The following TRPV3 variants were observed in gnomAD, a reference collection of about 807,000 sequenced individuals.
TRPV3 encodes the protein VRL-3.
TRPV3 carries 88 observed loss-of-function variants against 87.1 expected under a neutral mutation model. That is an observed-to-expected ratio of 1.01 (90% CI 0.85 to 1.21). The LOEUF (loss-of-function observed/expected upper bound fraction) is 1.21, where lower values mean the gene tolerates loss of function less well. Among genes scored for constraint, TRPV3 ranks in the 50% most tolerant of loss-of-function variants. TRPV3 has a pLI of 0.00. For synonymous variants in TRPV3, 438 were observed against 423.3 expected (o/e 1.03, Z -0.43); for missense variants, 1,054 against 1,030.1 (o/e 1.02, Z -0.32).
chr17:3,533,902 C>T lies in TRPV3; in HGVS notation c.785-965G>A, dbSNP rs73316927. 2.3e-3 allele frequency among the ~76,000 whole-genome samples: 355 copies of T among 152,264 alleles called. 2 individuals carry two copies. The highest frequency in any genetic ancestry group is 8.1e-3 in the African/African-American group (335 of 41,538). ...TCTCTCCCTGTCTAGAATGTAAGTT[C>T]CATGAGGGCAAGGATCTCTATTTTG... is the stretch of plus-strand genomic sequence containing the variant. On this transcript the variant is annotated intron_variant, in intron 7 of 17. Coordinates refer to ENST00000576742, the MANE Select transcript of TRPV3 (RefSeq NM_145068.4).
chr17:3,547,987 G>A (rs892383536), intron 2 of TRPV3, among the ~76,000 whole-genome samples: 11 of 152,178 alleles, frequency 7.2e-5, no homozygotes, highest in African/African-American at 2.4e-4. Flanking sequence ...ACGACAACCC[G>A]GACTGTGAGG....
Position 3,530,182 on chromosome 17 carries a change from G to T in TRPV3, c.1087C>A (p.Arg363Ser). 1.2e-6 allele frequency: 2 copies of T among 1,613,174 alleles called. No individual in the cohort carries two copies. The highest frequency in any genetic ancestry group is 2.2e-5 in the South Asian group (2 of 90,862). ...CGGAGCCGCTTCTCCTTGATCTCAC[G>T]ACTGAGGATGTACTTCAGGATCTGG... Reference protein sequence around the residue: ...KAEILKYILSREIKEKRLRSL... With the variant: ...KAEILKYILSSEIKEKRLRSL... The change falls in exon 9 of 18, where the codon CGT becomes AGT. Residue 363 changes from arginine (R) to serine (S), a missense_variant. Transcript: ENST00000576742. This position sits in a 1 kb window ranked among gnomAD's most constrained non-coding sequence, Gnocchi z 4.0.
rs991820829 is a variant in TRPV3, at chr17:3,511,637, C to T, written c.*2280G>A. On this transcript the variant is annotated 3_prime_UTR_variant, in exon 18 of 18. Coordinates refer to ENST00000576742, the MANE Select transcript of TRPV3 (RefSeq NM_145068.4). ...CCAATACAGAAAATGGTCTTGCCAA[C>T]AAATTCCATCCAGACCCACAGACAG... is the stretch of plus-strand genomic sequence containing the variant. The T allele has an allele frequency of 1.3e-5, 2 of 152,232 alleles. No homozygotes were observed. The highest frequency in any genetic ancestry group is 2.9e-5 in the Non-Finnish European group (2 of 68,050). The allele number at this position is 152,232 out of a possible 1,614,324, so 9.4% of individuals were successfully genotyped here.
chr17:3,548,788 T>G (rs988196067), intron 2 of TRPV3, among the ~76,000 whole-genome samples: 2 of 152,170 alleles, frequency 1.3e-5, no homozygotes, highest in African/African-American at 4.8e-5. Context: ...AAGCCTGGGT[T>G]CTAGTCCAGC....
At position 3,530,311 on chromosome 17, in the gene TRPV3, T is replaced by C; in HGVS notation, c.1066-108A>G. 3 of 1,134,692 alleles carry C rather than the reference T, an allele frequency of 2.6e-6. No homozygotes were observed. Among genetic ancestry groups the C allele is most frequent in the Non-Finnish European group, 3.7e-6 (3 of 811,532 alleles). 70.3% of individuals were successfully genotyped at this position (1,134,692 alleles called of 1,614,324 possible). ...GCCCAGGGGATACACCCGCCCAGAA[T>C]GGGTGGAGACCTGCCTCTGCGCCTG... On this transcript the variant is annotated intron_variant, in intron 8 of 17. Coordinates refer to ENST00000576742, the MANE Select transcript of TRPV3 (RefSeq NM_145068.4). The surrounding 1 kb of genome is among the most constrained non-coding windows in gnomAD (Gnocchi z 4.0).
intron 7 of TRPV3, among the ~76,000 whole-genome samples, chr17:3,534,576 C>T (rs1038711109): frequency 6.6e-6 from 1 of 152,062 alleles, no homozygotes; most frequent in Non-Finnish European, 1.5e-5. Context: ...ACTCGACGCA[C>T]TGTGAAAATG....
Position 3,530,328 on chromosome 17 carries a change from C to T in TRPV3, c.1066-125G>A. 3 of 919,752 alleles carry T rather than the reference C, an allele frequency of 3.3e-6. No homozygotes were observed. In the South Asian group the frequency reaches 5.9e-5, roughly 18 times the overall value. 57.0% of individuals were successfully genotyped at this position (919,752 alleles called of 1,614,324 possible). A position where few individuals can be genotyped will look rare whatever the true frequency, so the allele number is the denominator to read the frequency against. Reference sequence around the variant, plus strand: ...GCCCAGAATGGGTGGAGACCTGCCTCTGCGCCTGGCGCCATGGCCCCTGGG... The same window carrying T: ...GCCCAGAATGGGTGGAGACCTGCCTTTGCGCCTGGCGCCATGGCCCCTGGG... On this transcript the variant is annotated intron_variant, in intron 8 of 17. Transcript: ENST00000576742. The surrounding 1 kb of genome is among the most constrained non-coding windows in gnomAD (Gnocchi z 4.0).
chr17:3,514,339 A>G, intron 17 of TRPV3: 1 of 535,978 alleles, frequency 1.9e-6, no homozygotes, highest in Middle Eastern at 5.0e-4. Flanking sequence ...TCGTCCTCCC[A>G]AAGTGCTGGG....
At chr17:3,514,699 A>G in intron 16 of TRPV3, 27 bp from the exon 17 acceptor site, 3 of 1,512,552 alleles carry the variant, frequency 2.0e-6, no homozygotes, top group Non-Finnish European at 2.7e-6. Flanking sequence ...CATTCTTACT[A>G]TTTCACCAGT....
Position 3,555,776 on chromosome 17 carries a change from T to C in TRPV3, c.-2-924A>G, listed in dbSNP as rs186146990. On this transcript the variant is annotated intron_variant, in intron 1 of 17. Coordinates refer to ENST00000576742, the MANE Select transcript of TRPV3 (RefSeq NM_145068.4). ...CTGGGAGGGTCAGGAGTGGCAGGAG[T>C]GGGGGGAGCTGCTGTGGCCAGAGAA... is the stretch of plus-strand genomic sequence containing the variant. Among the ~76,000 whole-genome samples, 148 of 150,076 alleles carry C rather than the reference T, an allele frequency of 9.9e-4. No homozygotes were observed. The East Asian group carries it at 0.025, about 25-fold the overall frequency.
At chr17:3,536,876 G>T (rs965741658) in intron 6 of TRPV3, among the ~76,000 whole-genome samples, 69 of 152,176 alleles carry the variant, frequency 4.5e-4, no homozygotes, top group Admixed American at 4.6e-4. Context: ...AGGCTGGAGT[G>T]GGGGAAGGGT....
intron 2 of TRPV3, among the ~76,000 whole-genome samples, chr17:3,550,395 C>T (rs977805340): frequency 2.6e-5 from 4 of 151,996 alleles, no homozygotes; most frequent in African/African-American, 7.3e-5. Context: ...GCTGAGAGCC[C>T]GAGGGAAAGG....
In TRPV3 at chr17:3,544,568, G is replaced by T. The variant is rs201932631; in HGVS notation, c.311+11C>A. On this transcript the variant is annotated intron_variant, in intron 4 of 17. Coordinates refer to ENST00000576742, the MANE Select transcript of TRPV3 (RefSeq NM_145068.4). ...TGGGCACAGTGGGTGGAGGGGGAGG[G>T]GCAGACTTACCTGGGGCTGTTGGGA... 1.9e-6 allele frequency: 3 copies of T among 1,581,374 alleles called. No individual in the cohort carries two copies. In the Admixed American group the frequency reaches 5.1e-5, roughly 27 times the overall value.
At position 3,513,851 on chromosome 17, in the gene TRPV3, AC is replaced by A; in HGVS notation, c.*65del. The A allele has an allele frequency of 9.0e-6, 10 of 1,105,604 alleles. No individual in the cohort carries two copies. The highest frequency in any genetic ancestry group is 3.0e-5 in the African/African-American group (1 of 33,164). The allele number at this position is 1,105,604 out of a possible 1,614,324, so 68.5% of individuals were successfully genotyped here. On this transcript the variant is annotated 3_prime_UTR_variant, in exon 18 of 18. Coordinates refer to ENST00000576742, the MANE Select transcript of TRPV3 (RefSeq NM_145068.4). ...CCACCATCCCTCAAAGCCTCTCTGC[AC>A]AGAGTCGGTGACTCCGCCTGCAGCG...
rs1175572843 is a variant in TRPV3 at position 3,554,662 on chromosome 17, G to GC, written c.119+69_119+70insG. On this transcript the variant is annotated intron_variant, in intron 2 of 17. Coordinates refer to ENST00000576742, the MANE Select transcript of TRPV3 (RefSeq NM_145068.4). Reference sequence around the variant, plus strand: ...GTCTCCCCAAGGCAAGGGCTCCCTGGGGGGGTGCCAGGCCCCCACTCGTGC... The same window carrying GC: ...GTCTCCCCAAGGCAAGGGCTCCCTGGCGGGGGTGCCAGGCCCCCACTCGTGC... 6 of 1,149,926 alleles carry GC rather than the reference G, an allele frequency of 5.2e-6. No individual in the cohort carries two copies. In the Admixed American group the frequency reaches 5.9e-5, roughly 11 times the overall value. The allele number at this position is 1,149,926 out of a possible 1,614,324, so 71.2% of individuals were successfully genotyped here.
chr17:3,525,199 T>C (rs1205514023), intron 12 of TRPV3, among the ~76,000 whole-genome samples: 3 of 152,144 alleles, frequency 2.0e-5, no homozygotes, highest in African/African-American at 7.2e-5. Context: ...TTTGTATTTT[T>C]AGTAGAGATG....
chr17:3,546,775 T>TGC, intron 2 of TRPV3: 1 of 402,882 alleles, frequency 2.5e-6, no homozygotes, highest in Non-Finnish European at 5.0e-6. Flanking sequence ...GTCAGGAGTT[T>TGC]GAGGCCAATG....
chr17:3,536,651 T>A (rs2074412179), intron 6 of TRPV3, among the ~76,000 whole-genome samples: 1 of 151,966 alleles, frequency 6.6e-6, no homozygotes, highest in East Asian at 1.9e-4. Flanking sequence ...GGAGGGCACA[T>A]GAAGGGTGGA....
intron 2 of TRPV3, among the ~76,000 whole-genome samples, chr17:3,545,951 C>T (rs1367209003): frequency 1.4e-5 from 2 of 147,262 alleles, no homozygotes; most frequent in African/African-American, 2.5e-5. Flanking sequence ...GACCGCGCCA[C>T]TGCACTCCAG....
Sources: allele counts gnomAD v4.1 joint callset (sites outside exome capture counted in the v4.1 genomes callset), GRCh38; gene constraint gnomAD v4.1.1; non-coding constraint Gnocchi (gnomAD v3.1); transcripts MANE v1.5; gene names NCBI Gene and HGNC (gene_info 2026-07-23, HGNC 2026-07-21).